SRRM3: variants seen among roughly 807,000 people sequenced by gnomAD.
The protein encoded by SRRM3 is serine/arginine repetitive matrix 3.
SRRM3 carries 27 observed loss-of-function variants against 66.2 expected under a neutral mutation model. That is an observed-to-expected ratio of 0.41 (90% confidence interval 0.30 to 0.56). SRRM3 has a LOEUF of 0.56. Among genes scored for constraint, SRRM3 ranks in the 20% least tolerant of loss-of-function variants. SRRM3 has a pLI of 0.32. For missense variants in SRRM3, 918 were observed against 991.9 expected (o/e 0.93, Z 1.00); for synonymous variants, 391 against 414.9 (o/e 0.94, Z 0.70).
intron 1 of SRRM3, among the ~76,000 whole-genome samples, chr7:76,218,857 G>GT (rs1554602900): frequency 1.3e-5 from 2 of 151,000 alleles, no homozygotes; most frequent in Admixed American, 6.6e-5. Flanking sequence ...TTGTTTGTTT[G>GT]TTTTTTGTTT....
chr7:76,215,843 G>C (rs1800555637), intron 1 of SRRM3, among the ~76,000 whole-genome samples: 1 of 146,926 alleles, frequency 6.8e-6, no homozygotes, highest in Admixed American at 6.8e-5. Flanking sequence ...TGTCGCCCAG[G>C]CTGGAGTGCA....
chr7:76,260,447 C>T (rs1232224247), intron 5 of SRRM3, among the ~76,000 whole-genome samples: 1 of 144,892 alleles, frequency 6.9e-6, no homozygotes, highest in Admixed American at 6.8e-5. Context: ...GTTCCGCCCC[C>T]CAAGGAGCCC....
intron 1 of SRRM3, among the ~76,000 whole-genome samples, chr7:76,217,388 G>A (rs914783458): frequency 6.6e-6 from 1 of 152,112 alleles, no homozygotes. Flanking sequence ...AAGTTCAAGC[G>A]ATTCTCCTGC....
chr7:76,248,300 A>C lies in SRRM3; in HGVS notation c.335+11A>C. The C allele has an allele frequency of 6.2e-7, 1 of 1,604,966 alleles. No individual in the cohort carries two copies. Among genetic ancestry groups the C allele is most frequent in the Non-Finnish European group, 8.5e-7 (1 of 1,172,822 alleles). Reference sequence around the variant, plus strand: ...GCCTGGGGGCCACATGTGAGTGCTTACCTGTGTGGGGATGAGGGAGAGGGG... The same window carrying C: ...GCCTGGGGGCCACATGTGAGTGCTTCCCTGTGTGGGGATGAGGGAGAGGGG... On this transcript the variant is annotated intron_variant, in intron 3 of 14. Coordinates refer to ENST00000611745, the MANE Select transcript of SRRM3 (RefSeq NM_001110199.3).
intron 2 of SRRM3, among the ~76,000 whole-genome samples, chr7:76,238,755 G>C (rs759366265): frequency 2.0e-5 from 3 of 152,132 alleles, no homozygotes; most frequent in Non-Finnish European, 1.5e-5. Flanking sequence ...CTGCCTCCTG[G>C]GTTCAAGTGA....
At chr7:76,246,496 G>A (rs772031600) in intron 2 of SRRM3, among the ~76,000 whole-genome samples, 20 of 152,026 alleles carry the variant, frequency 1.3e-4, no homozygotes, top group Non-Finnish European at 2.1e-4. Context: ...CCCGGGAGGT[G>A]GAGGTTGCAG....
At chr7:76,239,874 T>C (rs6465038) in intron 2 of SRRM3, among the ~76,000 whole-genome samples, 57,268 of 151,778 alleles carry the variant, frequency 0.38, 13,061 homozygotes, top group Middle Eastern at 0.53. Flanking sequence ...TACCAAAAGA[T>C]AAAAAATTGC....
rs964304604 is a variant in SRRM3 at position 76,285,434 on chromosome 7, A to G, written c.1734-181A>G. 1.1e-4 allele frequency among the ~76,000 whole-genome samples: 16 copies of G among 152,240 alleles called. No individual in the cohort carries two copies. The highest frequency in any genetic ancestry group is 3.9e-4 in the African/African-American group (16 of 41,470). ...GTCTCCTTTCCCTGCAGATAGGTGA[A>G]GAAAAGCAAAATGATCAACATGGAA... On this transcript the variant is annotated intron_variant, in intron 14 of 14. Coordinates refer to ENST00000611745, the MANE Select transcript of SRRM3 (RefSeq NM_001110199.3). This position sits in a 1 kb window ranked among gnomAD's most constrained non-coding sequence, Gnocchi z 4.1.
chr7:76,285,871 C>G lies in SRRM3; in HGVS notation c.*28C>G. ...CCAGACAGACTCAGCTTGGTGCCCC[C>G]CTGGCACTGGGAGAGGCGAGGGGCG... On this transcript the variant is annotated 3_prime_UTR_variant, in exon 15 of 15. Transcript: ENST00000611745. This position sits in a 1 kb window ranked among gnomAD's most constrained non-coding sequence, Gnocchi z 4.1. 1 of 1,533,356 alleles carries G rather than the reference C, an allele frequency of 6.5e-7. No homozygotes were observed. The highest frequency in any genetic ancestry group is 8.8e-7 in the Non-Finnish European group (1 of 1,135,628). 95.0% of individuals were successfully genotyped at this position (1,533,356 alleles called of 1,614,324 possible).
intron 2 of SRRM3, among the ~76,000 whole-genome samples, chr7:76,239,170 C>T (rs891969359): frequency 6.6e-6 from 1 of 150,742 alleles, no homozygotes; most frequent in Admixed American, 6.6e-5. Context: ...GTAGCTGGGA[C>T]TATAGGAGCA....
intron 11 of SRRM3, among the ~76,000 whole-genome samples, chr7:76,272,660 A>C (rs190529851): frequency 1.1e-4 from 17 of 152,126 alleles, no homozygotes; most frequent in South Asian, 2.1e-4. Context: ...TCAAAAAAAA[A>C]CCCCAAAAAA....
In SRRM3 at chr7:76,255,148, C is replaced by CTTTCTTTTTTT. The variant is rs1447372520; in HGVS notation, c.336-4755_336-4754insCTTTTTTTTTT. ...CTTTTCTTTCTTTCTTTCTTTCTTT[C>CTTTCTTTTTTT]TTTTTTTTTTTTTTTTTTTGAGATG... On this transcript the variant is annotated intron_variant, in intron 3 of 14. Transcript: ENST00000611745. 1.9e-4 allele frequency among the ~76,000 whole-genome samples: 16 copies of CTTTCTTTTTTT among 83,174 alleles called. No individual in the cohort carries two copies. The South Asian group carries it at 6.2e-3, about 32-fold the overall frequency. The allele number at this position is 83,174 out of a possible 152,430, so 54.6% of individuals were successfully genotyped here.
intron 10 of SRRM3, among the ~76,000 whole-genome samples, chr7:76,266,542 T>C (rs1302428557): frequency 2.6e-5 from 3 of 114,396 alleles, no homozygotes; most frequent in East Asian, 2.2e-4. Context: ...AATATATAAA[T>C]ATTTATATAT....
At chr7:76,267,216 T>A in intron 10 of SRRM3, 42 bp from the exon 11 acceptor site, 3 of 1,469,358 alleles carry the variant, frequency 2.0e-6, no homozygotes, top group South Asian at 2.8e-5. Context: ...AAAGCGGGTG[T>A]CCCACGCCGA....
chr7:76,284,936 G>A (rs1451341781), intron 14 of SRRM3, among the ~76,000 whole-genome samples: 1 of 152,182 alleles, frequency 6.6e-6, no homozygotes, highest in Non-Finnish European at 1.5e-5. Flanking sequence ...CGAGTGACCT[G>A]AAAGCAACAA....
Position 76,264,763 on chromosome 7 carries a change from A to G in SRRM3, c.675-2A>G. The G allele has an allele frequency of 1.9e-6, 3 of 1,613,820 alleles. No homozygotes were observed. Among genetic ancestry groups the G allele is most frequent in the Non-Finnish European group, 2.5e-6 (3 of 1,179,864 alleles). ...CATCACTGTGGTCTCTGCTCTCTGCAGATCTCGAAGCTCCAAGTGCAAAAG... is the reference window on the plus strand; with the variant it reads ...CATCACTGTGGTCTCTGCTCTCTGCGGATCTCGAAGCTCCAAGTGCAAAAG... On this transcript the variant is annotated splice_acceptor_variant, in intron 8 of 14. Transcript: ENST00000611745. LOFTEE classifies it high-confidence loss of function.
chr7:76,214,378 C>T (rs372394390), intron 1 of SRRM3, among the ~76,000 whole-genome samples: 1 of 152,164 alleles, frequency 6.6e-6, no homozygotes, highest in African/African-American at 2.4e-5. Context: ...CCTCAGGAGC[C>T]GTGGGTTGTT....
chr7:76,204,587 C>T (rs1419455990), intron 1 of SRRM3, among the ~76,000 whole-genome samples: 5 of 152,188 alleles, frequency 3.3e-5, no homozygotes, highest in East Asian at 1.9e-4. Flanking sequence ...CTCCCCAGGG[C>T]GAGAATCAAT....
chr7:76,213,004 CTTTTTTTT>C (rs57266029), intron 1 of SRRM3, among the ~76,000 whole-genome samples: 2 of 67,904 alleles, frequency 2.9e-5, no homozygotes, highest in South Asian at 6.6e-4. Context: ...CACCCCATTC[CTTTTTTTT>C]TTTTTTTTTT....
Sources: gnomAD v4.1 joint callset for allele counts (sites outside exome capture counted in the v4.1 genomes callset) on GRCh38, gnomAD v4.1.1 for gene constraint, Gnocchi (gnomAD v3.1) non-coding constraint, MANE v1.5 for transcripts, NCBI Gene and HGNC (gene_info 2026-07-23, HGNC 2026-07-21) for gene names.